Variants in ZNF277 observed in about 807,000 individuals in gnomAD.
The protein encoded by ZNF277 is nuclear receptor-interacting factor 4.
Under a neutral mutation model 60.7 loss-of-function variants are expected in ZNF277, and 55 were observed. That is an observed-to-expected ratio of 0.91 (90% CI 0.73 to 1.13). The LOEUF (loss-of-function observed/expected upper bound fraction) is 1.13. ZNF277 is among the 50% of genes most tolerant of loss of function. ZNF277 has a pLI of 0.00. For synonymous variants in ZNF277, 178 were observed against 179.3 expected (o/e 0.99, Z 0.06); for missense variants, 510 against 523.0 (o/e 0.98, Z 0.24).
At chr7:112,336,039 G>T in intron 7 of ZNF277, 65 bp from the exon 8 acceptor site, 1 of 1,410,314 alleles carries the variant, frequency 7.1e-7, no homozygotes, top group Non-Finnish European at 9.8e-7. Context: ...TTTTTTCAAA[G>T]TTCTACATAC....
intron 1 of ZNF277, among the ~76,000 whole-genome samples, chr7:112,215,551 CT>C (rs1821857548): frequency 6.6e-6 from 1 of 152,224 alleles, no homozygotes; most frequent in Non-Finnish European, 1.5e-5. Context: ...ATAAGAGAGT[CT>C]CTTCTAGTTC....
In ZNF277 at chr7:112,341,144, A is replaced by G. The variant is rs958743268; in HGVS notation, c.1184+98A>G. Reference sequence around the variant, plus strand: ...AAGCCTACAGAAAAAAAAGGAATACATATTTATTATAAAAAGTATACATCA... The same window carrying G: ...AAGCCTACAGAAAAAAAAGGAATACGTATTTATTATAAAAAGTATACATCA... On this transcript the variant is annotated intron_variant, in intron 11 of 11. Coordinates refer to ENST00000361822, the MANE Select transcript of ZNF277 (RefSeq NM_021994.3). 1.4e-4 allele frequency: 156 copies of G among 1,147,224 alleles called. 1 individual carries two copies. The Middle Eastern group carries it at 2.0e-3, about 15-fold the overall frequency. The allele number at this position is 1,147,224 out of a possible 1,614,324, so 71.1% of individuals were successfully genotyped here.
Position 112,299,650 on chromosome 7 carries a change from T to C in ZNF277, c.465+3339T>C, listed in dbSNP as rs1008661054. On this transcript the variant is annotated intron_variant, in intron 4 of 11. Transcript: ENST00000361822. ...TTTTTTATTAATCAGAATTTCATTC[T>C]AGTTTCTAAAACATGTAATTTAAAC... Among the ~76,000 whole-genome samples the C allele has an allele frequency of 3.3e-5, 5 of 152,358 alleles. No individual in the cohort carries two copies. The South Asian group carries it at 1.0e-3, about 32-fold the overall frequency.
intron 1 of ZNF277, among the ~76,000 whole-genome samples, chr7:112,216,259 C>T (rs1821877987): frequency 6.6e-6 from 1 of 152,294 alleles, no homozygotes; most frequent in African/African-American, 2.4e-5. Context: ...GCAAAAAGCT[C>T]ACTGGACAAG....
chr7:112,233,579 T>C (rs1007367568), intron 1 of ZNF277, among the ~76,000 whole-genome samples: 1 of 152,242 alleles, frequency 6.6e-6, no homozygotes, highest in Non-Finnish European at 1.5e-5. Flanking sequence ...GTCATCATTA[T>C]GCAATGATAT....
At chr7:112,248,072 G>A (rs1791123122) in intron 1 of ZNF277, among the ~76,000 whole-genome samples, 1 of 152,108 alleles carries the variant, frequency 6.6e-6, no homozygotes, top group Non-Finnish European at 1.5e-5. Flanking sequence ...TACAGAAGAA[G>A]GTAAATGATG....
intron 1 of ZNF277, among the ~76,000 whole-genome samples, chr7:112,254,700 G>A (rs1296883211): frequency 6.6e-6 from 1 of 152,156 alleles, no homozygotes; most frequent in Non-Finnish European, 1.5e-5. Context: ...CAGGTGTGGT[G>A]GCTCATGGCT....
At chr7:112,262,703 T>C (rs1223691283) in intron 1 of ZNF277, among the ~76,000 whole-genome samples, 1 of 152,126 alleles carries the variant, frequency 6.6e-6, no homozygotes, top group African/African-American at 2.4e-5. Flanking sequence ...GTGCCATTTT[T>C]CCTATTTAGA....
chr7:112,252,952 C>T (rs982326496), intron 1 of ZNF277, among the ~76,000 whole-genome samples: 1 of 152,124 alleles, frequency 6.6e-6, no homozygotes, highest in African/African-American at 2.4e-5. Flanking sequence ...TAAACCAAGG[C>T]TTTTGTCCTT....
Position 112,339,903 on chromosome 7 carries a change from G to C in ZNF277, c.1009+18G>C. 1 of 1,605,936 alleles carries C rather than the reference G, an allele frequency of 6.2e-7. No individual in the cohort carries two copies. Among genetic ancestry groups the C allele is most frequent in the African/African-American group, 1.3e-5 (1 of 75,000 alleles). On this transcript the variant is annotated intron_variant, in intron 10 of 11. Coordinates refer to ENST00000361822, the MANE Select transcript of ZNF277 (RefSeq NM_021994.3). The stretch of plus-strand genomic sequence containing the variant: ...AGAACTTGGTAAGTTTGATTCAGAG[G>C]TTTTTTTCTGTGATGCTTCATTTTT...
chr7:112,334,559 TG>T (rs1380998387), intron 7 of ZNF277, among the ~76,000 whole-genome samples: 2 of 152,112 alleles, frequency 1.3e-5, no homozygotes, highest in Non-Finnish European at 1.5e-5. Context: ...TCCTCTCAAG[TG>T]GGGTAAGTGG....
At chr7:112,324,565 C>T (rs891105377) in intron 5 of ZNF277, among the ~76,000 whole-genome samples, 1 of 152,150 alleles carries the variant, frequency 6.6e-6, no homozygotes, top group African/African-American at 2.4e-5. Context: ...CATCTCTACT[C>T]CAAAGCCCCA....
intron 1 of ZNF277, among the ~76,000 whole-genome samples, chr7:112,267,838 G>T (rs903029462): frequency 6.6e-6 from 1 of 152,034 alleles, no homozygotes; most frequent in Non-Finnish European, 1.5e-5. Flanking sequence ...AAATAGCAGG[G>T]GTGGCAGCTT....
intron 1 of ZNF277, among the ~76,000 whole-genome samples, chr7:112,284,339 T>C (rs1283861019): frequency 6.6e-6 from 1 of 152,210 alleles, no homozygotes; most frequent in Non-Finnish European, 1.5e-5. Flanking sequence ...TACTTGTTAT[T>C]TCCTACATGG....
chr7:112,285,113 T>A (rs946656368), intron 1 of ZNF277, among the ~76,000 whole-genome samples: 1 of 152,204 alleles, frequency 6.6e-6, no homozygotes, highest in East Asian at 1.9e-4. Context: ...CACTGAAACC[T>A]CCACCACCTG....
chr7:112,221,606 C>G (rs557434423), intron 1 of ZNF277, among the ~76,000 whole-genome samples: 3 of 152,306 alleles, frequency 2.0e-5, no homozygotes, highest in Non-Finnish European at 4.4e-5. Flanking sequence ...TTTCCTGCAA[C>G]TAGACAGTCC....
Position 112,220,017 on chromosome 7 carries a change from A to C in ZNF277, c.91+13210A>C, listed in dbSNP as rs185323367. On this transcript the variant is annotated intron_variant, in intron 1 of 11. Coordinates refer to ENST00000361822, the MANE Select transcript of ZNF277 (RefSeq NM_021994.3). ...GCCTCCAGTTTTGTTCTTTTTGCTC[A>C]ACATTGCTTTGGCTATTCCTGGTAT... Among the ~76,000 whole-genome samples, 59 of 152,316 alleles carry C rather than the reference A, an allele frequency of 3.9e-4. 1 individual carries two copies. Among genetic ancestry groups the C allele is most frequent in the Admixed American group, 7.2e-4 (11 of 15,306 alleles).
At chr7:112,253,084 G>GT (rs1306057742) in intron 1 of ZNF277, among the ~76,000 whole-genome samples, 1 of 152,176 alleles carries the variant, frequency 6.6e-6, no homozygotes, top group Admixed American at 6.5e-5. Context: ...CAGGGAAAAG[G>GT]TAAATAGGAT....
intron 1 of ZNF277, among the ~76,000 whole-genome samples, chr7:112,225,469 T>C (rs564141363): frequency 2.5e-4 from 38 of 152,352 alleles, no homozygotes; most frequent in African/African-American, 7.9e-4. Context: ...CTTGATTATT[T>C]TTCCTTGTGA....
Sources: allele counts gnomAD v4.1 joint callset (sites outside exome capture counted in the v4.1 genomes callset), GRCh38; gene constraint gnomAD v4.1.1; transcripts MANE v1.5; gene names NCBI Gene and HGNC (gene_info 2026-07-23, HGNC 2026-07-21).